Variants in GHR observed in about 807,000 individuals in gnomAD.
GHR encodes growth hormone receptor, also known as GH receptor.
GHR carries 35 observed loss-of-function variants against 67.1 expected under a neutral mutation model. That is an observed-to-expected ratio of 0.52 (90% CI 0.40 to 0.69). GHR has a LOEUF of 0.69. GHR is among the 30% of genes least tolerant of loss of function. The pLI is 0.00. For missense variants in GHR, 792 were observed against 764.6 expected, an observed-to-expected ratio of 1.04 and a Z score of -0.42; for synonymous variants, 272 against 269.1, an observed-to-expected ratio of 1.01 and a Z score of -0.10.
At chr5:42,540,705 G>A (rs535986519) in intron 1 of GHR, among the ~76,000 whole-genome samples, 26 of 106,456 alleles carry the variant, frequency 2.4e-4, no homozygotes, top group African/African-American at 6.2e-4. Context: ...CACCGCCCCC[G>A]CTCTCAGGCT....
At chr5:42,543,150 C>G (rs1240531655) in intron 1 of GHR, among the ~76,000 whole-genome samples, 2 of 152,038 alleles carry the variant, frequency 1.3e-5, no homozygotes, top group Non-Finnish European at 2.9e-5. Context: ...GGTCGATTCC[C>G]AGTAGTGAGA....
At chr5:42,611,744 G>A (rs1752901372) in intron 2 of GHR, among the ~76,000 whole-genome samples, 1 of 152,128 alleles carries the variant, frequency 6.6e-6, no homozygotes, top group Non-Finnish European at 1.5e-5. Context: ...TGGCATTTCA[G>A]CTGGAACTTG....
intron 2 of GHR, among the ~76,000 whole-genome samples, chr5:42,610,404 A>T (rs1752836095): frequency 6.6e-6 from 1 of 152,178 alleles, no homozygotes; most frequent in East Asian, 1.9e-4. Context: ...GCTCATGGAC[A>T]ATGTTTTTGG....
At chr5:42,668,924 C>T (rs141429479) in intron 3 of GHR, among the ~76,000 whole-genome samples, 39 of 152,262 alleles carry the variant, frequency 2.6e-4, no homozygotes, top group Non-Finnish European at 5.6e-4. Flanking sequence ...GTCAATCCAT[C>T]ATGAGTCAGG....
chr5:42,664,847 T>A (rs1309041522), intron 3 of GHR, among the ~76,000 whole-genome samples: 1 of 152,212 alleles, frequency 6.6e-6, no homozygotes, highest in Non-Finnish European at 1.5e-5. Context: ...CCTACTCATC[T>A]GACAAAGGGA....
intron 8 of GHR, among the ~76,000 whole-genome samples, chr5:42,715,397 A>C (rs2910878): frequency 7.9e-5 from 12 of 151,948 alleles, no homozygotes; most frequent in Non-Finnish European, 1.8e-4. Flanking sequence ...GTCAGGTCCT[A>C]CATGCCTTTG....
At chr5:42,685,553 CCCA>C (rs1210304843) in intron 3 of GHR, among the ~76,000 whole-genome samples, 1 of 152,182 alleles carries the variant, frequency 6.6e-6, no homozygotes, top group Non-Finnish European at 1.5e-5. Context: ...AATTTACACT[CCCA>C]CCAACAGTGT....
intron 1 of GHR, among the ~76,000 whole-genome samples, chr5:42,544,191 A>C (rs754285626): frequency 1.3e-5 from 2 of 152,118 alleles, no homozygotes; most frequent in Non-Finnish European, 2.9e-5. Flanking sequence ...GGCCTTCCTT[A>C]AAAAGATATG....
rs75893703 is a variant in GHR, at chr5:42,468,033, C to T, written c.-12+44078C>T. 123 of 815,122 alleles carry T rather than the reference C, an allele frequency of 1.5e-4. No homozygotes were observed. In the East Asian group the frequency reaches 2.6e-3, roughly 17 times the overall value. 50.5% of individuals were successfully genotyped at this position (815,122 alleles called of 1,614,324 possible). On this transcript the variant is annotated intron_variant, in intron 1 of 9. Coordinates refer to ENST00000230882, the MANE Select transcript of GHR (RefSeq NM_000163.5). ...TCTCTTAACTCAGGTCCTTAAGGAT[C>T]AGCTTTCTGGATTCTTCCTAATATG...
At chr5:42,604,590 T>C (rs1284828316) in intron 2 of GHR, among the ~76,000 whole-genome samples, 4 of 152,018 alleles carry the variant, frequency 2.6e-5, no homozygotes, top group Non-Finnish European at 4.4e-5. Flanking sequence ...CATAGAGAGA[T>C]TTCTGTTTTT....
chr5:42,462,090 G>T (rs981780623), intron 1 of GHR, among the ~76,000 whole-genome samples: 1 of 152,210 alleles, frequency 6.6e-6, no homozygotes, highest in Non-Finnish European at 1.5e-5. Flanking sequence ...GGTTTCAGAA[G>T]CAGGGTCTTA....
chr5:42,690,676 A>G (rs546603852), intron 4 of GHR, among the ~76,000 whole-genome samples: 9 of 152,308 alleles, frequency 5.9e-5, no homozygotes, highest in African/African-American at 1.9e-4. Flanking sequence ...GCAACCAAGC[A>G]GACCTTCCCC....
Position 42,546,623 on chromosome 5 carries a change from G to A in GHR, c.-11-19241G>A, listed in dbSNP as rs4314405. Reference sequence around the variant, plus strand: ...AACTAGTAAATATTAGTTAGTCCAAGTCATGGATTGTGGTATTAATTCCAT... The same window carrying A: ...AACTAGTAAATATTAGTTAGTCCAAATCATGGATTGTGGTATTAATTCCAT... On this transcript the variant is annotated intron_variant, in intron 1 of 9. Transcript: ENST00000230882. Among the ~76,000 whole-genome samples the A allele has an allele frequency of 0.01, 1,527 of 152,314 alleles. 60 individuals carry two copies. In the East Asian group the frequency reaches 0.12, roughly 12 times the overall value.
chr5:42,454,271 G>A (rs1167873461), intron 1 of GHR, among the ~76,000 whole-genome samples: 3 of 152,186 alleles, frequency 2.0e-5, no homozygotes, highest in Non-Finnish European at 4.4e-5. Context: ...TTTCTCAAAT[G>A]CTAGTTATGC....
intron 1 of GHR, chr5:42,548,063 C>G: frequency 4.1e-6 from 4 of 984,802 alleles, no homozygotes; most frequent in Non-Finnish European, 3.6e-6. Context: ...GCTGATTTGG[C>G]TGCCTCCATT....
chr5:42,561,858 G>C (rs940283423), intron 1 of GHR, among the ~76,000 whole-genome samples: 2 of 152,182 alleles, frequency 1.3e-5, no homozygotes, highest in African/African-American at 4.8e-5. Flanking sequence ...AACCCAGTGG[G>C]CTAAGGTCCA....
chr5:42,566,141 G>T (rs1425110693), intron 2 of GHR, among the ~76,000 whole-genome samples, 197 bp downstream of exon 2: 1 of 152,200 alleles, frequency 6.6e-6, no homozygotes, highest in Non-Finnish European at 1.5e-5. Context: ...GCAGTAGTCA[G>T]TCAACTTTGG....
chr5:42,476,457 G>T (rs1745325587), intron 1 of GHR, among the ~76,000 whole-genome samples: 1 of 152,092 alleles, frequency 6.6e-6, no homozygotes, highest in Non-Finnish European at 1.5e-5. Flanking sequence ...CTGACCTCGT[G>T]ATGTGCCTGC....
rs529146166 is a variant in GHR at position 42,689,591 on chromosome 5, G to T, written c.266+572G>T. The stretch of plus-strand genomic sequence containing the variant: ...GAGTATCTGGGGGAAAGGCTATGCA[G>T]GCAGAGGAAATTGCAAGTACAAAGT... On this transcript the variant is annotated intron_variant, in intron 4 of 9. Transcript: ENST00000230882. 3.3e-5 allele frequency among the ~76,000 whole-genome samples: 5 copies of T among 152,242 alleles called. No homozygotes were observed. In the South Asian group the frequency reaches 1.0e-3, roughly 32 times the overall value.
Sources: gnomAD v4.1 joint callset for allele counts (sites outside exome capture counted in the v4.1 genomes callset) on GRCh38, gnomAD v4.1.1 for gene constraint, MANE v1.5 for transcripts, NCBI Gene and HGNC (gene_info 2026-07-23, HGNC 2026-07-21) for gene names.